Variants in MYH16 observed in about 807,000 individuals in gnomAD.
The protein encoded by MYH16 is putative uncharacterized protein MYH16.
chr7:99,277,059 CAG>C (rs1167408427), intron 20 of MYH16, among the ~76,000 whole-genome samples: 3 of 117,438 alleles, frequency 2.6e-5, no homozygotes, highest in Non-Finnish European at 4.6e-5. Flanking sequence ...GAGAGAGACA[CAG>C]AGAGAGAGAG....
In MYH16 at chr7:99,283,973, A is replaced by G. The variant is rs185320317; in HGVS notation, n.3180A>G. 59 of 456,548 alleles carry G rather than the reference A, an allele frequency of 1.3e-4. No individual in the cohort carries two copies. The East Asian group carries it at 2.0e-3, about 16-fold the overall frequency. The allele number at this position is 456,548 out of a possible 1,614,324, so 28.3% of individuals were successfully genotyped here. The stretch of plus-strand genomic sequence containing the variant: ...CTGAAGATGACCATCGACAACCTCA[A>G]TGAGATGGAGCGTTCCAAGCTGGAT... On this transcript the variant is annotated non_coding_transcript_exon_variant, in exon 25 of 42. Coordinates refer to ENST00000439784, the Ensembl canonical transcript of MYH16.
At chr7:99,243,098 A>G (rs1791686009) in intron 1 of MYH16, among the ~76,000 whole-genome samples, 1 of 152,230 alleles carries the variant, frequency 6.6e-6, no homozygotes, top group Non-Finnish European at 1.5e-5. Flanking sequence ...TTGAAGCTGC[A>G]TTGGCCTCAG....
At chr7:99,297,008 C>A in intron 34 of MYH16, 91 bp downstream of exon 15, 1 of 410,862 alleles carries the variant, frequency 2.4e-6, no homozygotes, top group South Asian at 1.7e-5. Flanking sequence ...CAGTTGAGTA[C>A]CTGGCACATA....
At chr7:99,269,865 C>CTTT (rs983455403) in intron 18 of MYH16, among the ~76,000 whole-genome samples, 43 of 107,708 alleles carry the variant, frequency 4.0e-4, no homozygotes, top group African/African-American at 6.2e-4. Flanking sequence ...TCTGGGGACA[C>CTTT]TTTTTTTTTT....
At chr7:99,303,807 A>T (rs1365845166) in intron 39 of MYH16, among the ~76,000 whole-genome samples, 2 of 152,228 alleles carry the variant, frequency 1.3e-5, no homozygotes, top group African/African-American at 4.8e-5. Context: ...GTCTCAGAAC[A>T]TGAAATAATA....
chr7:99,294,315 C>T (rs2150830452), intron 33 of MYH16, among the ~76,000 whole-genome samples, 165 bp downstream of exon 14: 1 of 151,896 alleles, frequency 6.6e-6, no homozygotes, highest in South Asian at 2.1e-4. Context: ...ACGGCTGCTG[C>T]TTGAGCACGT....
At chr7:99,300,829 A>T (rs1349513301) in intron 37 of MYH16, among the ~76,000 whole-genome samples, 1 of 152,046 alleles carries the variant, frequency 6.6e-6, no homozygotes. Context: ...GACAAAACAG[A>T]CAAACATCCC....
intron 11 of MYH16, among the ~76,000 whole-genome samples, chr7:99,259,616 G>C (rs1248453181): frequency 3.3e-5 from 5 of 151,424 alleles, no homozygotes; most frequent in Admixed American, 6.6e-5. Context: ...GCGCCACCAC[G>C]CTTGGCTAAT....
intron 23 of MYH16, among the ~76,000 whole-genome samples, chr7:99,283,242 G>A (rs531796995): frequency 1.2e-4 from 18 of 152,214 alleles, no homozygotes; most frequent in Admixed American, 3.3e-4. Context: ...CACTACAGAC[G>A]TGTGCCACCA....
intron 6 of MYH16, among the ~76,000 whole-genome samples, chr7:99,251,977 G>A (rs1186961765): frequency 2.0e-5 from 3 of 152,002 alleles, no homozygotes; most frequent in African/African-American, 7.2e-5. Context: ...CCTATCTCAG[G>A]GGGGATAAAA....
At chr7:99,304,344 G>C (rs1792649755) in intron 39 of MYH16, among the ~76,000 whole-genome samples, 1 of 152,110 alleles carries the variant, frequency 6.6e-6, no homozygotes, top group South Asian at 2.1e-4. Flanking sequence ...GCTTGAGTGT[G>C]CCCAGCTGCT....
chr7:99,294,086 C>T (rs1462290029), exon 33 of MYH16: 1 of 456,070 alleles, frequency 2.2e-6, no homozygotes, highest in Admixed American at 2.4e-5. Context: ...CGGGCCGCCT[C>T]CCTCGAGAAA....
At chr7:99,286,183 G>A (rs916173014) in intron 27 of MYH16, among the ~76,000 whole-genome samples, 1 of 152,244 alleles carries the variant, frequency 6.6e-6, no homozygotes, top group African/African-American at 2.4e-5. Flanking sequence ...AATACCTTGG[G>A]AGACCAAGGC....
At chr7:99,251,949 G>C (rs569006010) in intron 6 of MYH16, among the ~76,000 whole-genome samples, 32 of 152,218 alleles carry the variant, frequency 2.1e-4, no homozygotes, top group African/African-American at 7.5e-4. Flanking sequence ...CTCCAGCCTG[G>C]GCAACAGAGT....
exon 27 of MYH16, chr7:99,285,425 C>T (rs1187194229): frequency 2.2e-6 from 1 of 456,618 alleles, no homozygotes; most frequent in African/African-American, 2.0e-5. Context: ...GCTGAGAGGG[C>T]CATGAGAGCC....
chr7:99,260,378 A>C, intron 12 of MYH16: 1 of 837,234 alleles, frequency 1.2e-6, no homozygotes, highest in South Asian at 1.5e-5. Flanking sequence ...GGCCAGGGCC[A>C]AGGGATGTCA....
chr7:99,263,737 A>G (rs905148380), intron 14 of MYH16, among the ~76,000 whole-genome samples: 1 of 152,178 alleles, frequency 6.6e-6, no homozygotes, highest in African/African-American at 2.4e-5. Context: ...ACTGCTTTGG[A>G]AAAGTTGACA....
chr7:99,268,858 T>C (rs578023776), intron 18 of MYH16, among the ~76,000 whole-genome samples: 5 of 152,342 alleles, frequency 3.3e-5, no homozygotes, highest in Admixed American at 1.3e-4. Context: ...TTCTTCCTCA[T>C]CTTTTGCCCA....
intron 29 of MYH16, 81 bp from the exon 11 acceptor site, chr7:99,289,206 G>A (rs1347339905): frequency 4.3e-6 from 1 of 230,852 alleles, no homozygotes; most frequent in African/African-American, 2.3e-5. Context: ...GGAAGAACAG[G>A]GCAAAAATCA....
Sources: gnomAD v4.1 joint callset for allele counts (sites outside exome capture counted in the v4.1 genomes callset) on GRCh38, gnomAD v4.1.1 for gene constraint, MANE v1.5 for transcripts, NCBI Gene and HGNC (gene_info 2026-07-23, HGNC 2026-07-21) for gene names.